The following RNLS variants were observed in gnomAD, a reference collection of about 807,000 sequenced individuals.
The protein encoded by RNLS is renalase, FAD dependent amine oxidase.
A neutral mutation model predicts 39.8 loss-of-function variants in RNLS; 39 were observed. The ratio of observed to expected loss-of-function variants is 0.98; its 90% CI spans 0.76 to 1.28. The LOEUF is 1.28. Ranked by LOEUF, RNLS falls within the 50% of genes most tolerant of loss-of-function variation. RNLS has a pLI of 0.00. For synonymous variants in RNLS, 147 were observed against 150.7 expected (o/e 0.98, Z 0.18); for missense variants, 410 against 413.3 (o/e 0.99, Z 0.07).
chr10:88,229,908 T>G, the RNLS span, among the ~76,000 whole-genome samples: 1 of 152,190 alleles, frequency 6.6e-6, no homozygotes. Flanking sequence ...GCTTATCCAT[T>G]TCTTGGTGGA....
At chr10:88,491,306 T>G (rs549384834) in intron 4 of RNLS, among the ~76,000 whole-genome samples, 89 of 152,324 alleles carry the variant, frequency 5.8e-4, no homozygotes, top group African/African-American at 2.0e-3. Context: ...GCACACATTA[T>G]TTCGGGATAA....
At chr10:88,548,532 G>A in intron 4 of RNLS, among the ~76,000 whole-genome samples, 1 of 146,470 alleles carries the variant, frequency 6.8e-6, no homozygotes, top group East Asian at 2.0e-4. Flanking sequence ...TCAGCCACTA[G>A]GGAGGCTGAG....
chr10:88,480,430 C>CT (rs974482117), intron 4 of RNLS, among the ~76,000 whole-genome samples: 5 of 152,038 alleles, frequency 3.3e-5, no homozygotes, highest in Non-Finnish European at 7.4e-5. Flanking sequence ...TCATACTTTT[C>CT]TTTTTTTTGA....
chr10:88,275,872 T>C (rs531106886), intron 6 of RNLS, among the ~76,000 whole-genome samples: 3 of 152,034 alleles, frequency 2.0e-5, no homozygotes, highest in South Asian at 2.1e-4. Context: ...TTGGGCAACA[T>C]AGTAATACCT....
At chr10:88,349,142 C>T (rs1409400241) in intron 5 of RNLS, among the ~76,000 whole-genome samples, 1 of 152,128 alleles carries the variant, frequency 6.6e-6, no homozygotes, top group Non-Finnish European at 1.5e-5. Flanking sequence ...GGATGAAAGA[C>T]ACAAATATTT....
chr10:88,267,337 GA>G, the RNLS span, among the ~76,000 whole-genome samples: 4 of 152,190 alleles, frequency 2.6e-5, no homozygotes, highest in African/African-American at 9.7e-5. Context: ...AGCACTTTGG[GA>G]GGCTCAGTCA....
the RNLS span, among the ~76,000 whole-genome samples, chr10:88,188,881 GA>G: frequency 6.6e-6 from 1 of 152,064 alleles, no homozygotes; most frequent in Non-Finnish European, 1.5e-5. Flanking sequence ...ATTGCTCTTT[GA>G]AATCTCTGTG....
At chr10:88,556,216 T>A (rs1848866441) in intron 4 of RNLS, among the ~76,000 whole-genome samples, 1 of 152,122 alleles carries the variant, frequency 6.6e-6, no homozygotes, top group Non-Finnish European at 1.5e-5. Context: ...TCACAGTCCA[T>A]ATCTATACAT....
intron 4 of RNLS, among the ~76,000 whole-genome samples, chr10:88,388,712 C>T (rs1207294290): frequency 6.6e-6 from 1 of 152,122 alleles, no homozygotes. Flanking sequence ...ACCTCTCAAA[C>T]TGAAATTACT....
chr10:88,442,378 G>T (rs1841765302), intron 4 of RNLS, among the ~76,000 whole-genome samples: 1 of 152,084 alleles, frequency 6.6e-6, no homozygotes, highest in African/African-American at 2.4e-5. Context: ...TCATTCAGCT[G>T]ATTAAAACTT....
At chr10:88,568,329 G>A (rs1849631470) in intron 4 of RNLS, among the ~76,000 whole-genome samples, 2 of 151,950 alleles carry the variant, frequency 1.3e-5, no homozygotes, top group Admixed American at 1.3e-4. Context: ...GGAGGGATGG[G>A]GGTGATAGCT....
At chr10:88,219,310 G>A in the RNLS span, among the ~76,000 whole-genome samples, 1 of 152,126 alleles carries the variant, frequency 6.6e-6, no homozygotes, top group Non-Finnish European at 1.5e-5. Flanking sequence ...CTATTTAGTA[G>A]GTCAACATGC....
chr10:88,274,964 G>A, exon 7 of RNLS: 1 of 1,612,032 alleles, frequency 6.2e-7, no homozygotes, highest in East Asian at 2.2e-5. Flanking sequence ...CAGGAAGTCA[G>A]ATGGGAAATC....
chr10:88,193,855 C>T, the RNLS span, among the ~76,000 whole-genome samples: 1 of 152,132 alleles, frequency 6.6e-6, no homozygotes, highest in Non-Finnish European at 1.5e-5. Flanking sequence ...TAGCTAAAAC[C>T]AATTATTTAG....
the RNLS span, among the ~76,000 whole-genome samples, chr10:88,175,703 G>T: frequency 6.6e-6 from 1 of 152,184 alleles, no homozygotes; most frequent in South Asian, 2.1e-4. Context: ...CTGCTGAAAA[G>T]AATGTGTATT....
chr10:88,278,535 G>A (rs1842894986), intron 6 of RNLS, among the ~76,000 whole-genome samples: 1 of 152,150 alleles, frequency 6.6e-6, no homozygotes, highest in Non-Finnish European at 1.5e-5. Context: ...AGAATACACT[G>A]CTACAGAAGC....
intron 4 of RNLS, among the ~76,000 whole-genome samples, chr10:88,380,927 TC>T (rs1851437028): frequency 6.6e-6 from 1 of 152,206 alleles, no homozygotes; most frequent in Admixed American, 6.5e-5. Context: ...TTGAAATGCC[TC>T]CTTTATGAAC....
intron 4 of RNLS, among the ~76,000 whole-genome samples, chr10:88,500,076 C>T (rs1239508825): frequency 6.6e-6 from 1 of 152,086 alleles, no homozygotes; most frequent in Admixed American, 6.6e-5. Context: ...CAAAGCTCTG[C>T]CTCTAGTTAG....
At chr10:88,451,149 A>C (rs1842337447) in intron 4 of RNLS, among the ~76,000 whole-genome samples, 1 of 152,214 alleles carries the variant, frequency 6.6e-6, no homozygotes, top group African/African-American at 2.4e-5. Context: ...GGACTTAAGC[A>C]GTCTGAGTGG....
Sources: allele counts gnomAD v4.1 joint callset (sites outside exome capture counted in the v4.1 genomes callset), GRCh38; gene constraint gnomAD v4.1.1; transcripts MANE v1.5; gene names NCBI Gene and HGNC (gene_info 2026-07-23, HGNC 2026-07-21).